The following TNRC6B variants were observed in gnomAD, a reference collection of about 807,000 sequenced individuals.
TNRC6B encodes the protein trinucleotide repeat-containing gene 6B protein.
In TNRC6B, 52 loss-of-function variants were observed where a neutral mutation model predicts 203.6. That is an observed-to-expected ratio of 0.26 (90% confidence interval 0.20 to 0.32). The LOEUF (loss-of-function observed/expected upper bound fraction) is 0.32. TNRC6B is among the 10% of genes least tolerant of loss of function. The pLI is 1.00. For synonymous variants in TNRC6B, 838 were observed against 845.7 expected, an observed-to-expected ratio of 0.99 and a Z score of 0.16; for missense variants, 1,923 against 2,286.2, an observed-to-expected ratio of 0.84 and a Z score of 3.24.
At chr22:40,164,348 A>G (rs566012921) in intron 4 of TNRC6B, among the ~76,000 whole-genome samples, 3 of 147,258 alleles carry the variant, frequency 2.0e-5, no homozygotes, top group Non-Finnish European at 4.5e-5. Context: ...ACATCACACC[A>G]CTGCAGTCCA....
Position 40,181,444 on chromosome 22 carries a change from A to G in TNRC6B, c.5+3304A>G, listed in dbSNP as rs536763039. On this transcript the variant is annotated intron_variant, in intron 1 of 22. Coordinates refer to ENST00000454349, the MANE Select transcript of TNRC6B (RefSeq NM_001162501.2). ...AACTCAGATCATATAATCATTGATC[A>G]TCTGCAGTTTAAGCTGGACACAGCC... Among the ~76,000 whole-genome samples the G allele has an allele frequency of 4.9e-3, 748 of 152,314 alleles. 3 individuals are homozygous for G. Among genetic ancestry groups the G allele is most frequent in the Non-Finnish European group, 7.6e-3 (518 of 68,014 alleles).
chr22:40,165,727 C>T (rs550736674), intron 4 of TNRC6B, among the ~76,000 whole-genome samples: 14 of 152,106 alleles, frequency 9.2e-5, no homozygotes, highest in South Asian at 4.1e-4. Context: ...CTTCACTTGG[C>T]GGCAGAAAGG....
In TNRC6B at chr22:40,264,895, C is replaced by T. The variant is rs752014287; in HGVS notation, c.665C>T (p.Ser222Leu). ...SENTTDNNSASNPGSEKSTLP... is the reference protein window; with the variant it reads ...SENTTDNNSALNPGSEKSTLP... ...AACACCACCGATAACAACAGTGCCT[C>T]GAACCCTGGCTCTGAGAAGAGCACT... Residue 222 changes from serine (S) to leucine (L), a missense_variant, in exon 5 of 23, where the codon TCG becomes TTG. Physicochemically the swap from Ser to Leu is moderately radical, Grantham distance 145. Coordinates refer to ENST00000454349, the MANE Select transcript of TNRC6B (RefSeq NM_001162501.2). 8.1e-6 allele frequency: 13 copies of T among 1,613,898 alleles called. No individual in the cohort carries two copies. The highest frequency in any genetic ancestry group is 2.2e-5 in the South Asian group (2 of 91,060).
chr22:40,233,577 G>A (rs185979268), intron 1 of TNRC6B, among the ~76,000 whole-genome samples: 19 of 151,318 alleles, frequency 1.3e-4, no homozygotes, highest in Middle Eastern at 3.4e-3. Flanking sequence ...AGCTGAGATC[G>A]CACCACTGCA....
intron 7 of TNRC6B, among the ~76,000 whole-genome samples, chr22:40,276,423 C>T (rs1329605116): frequency 6.6e-6 from 1 of 152,134 alleles, no homozygotes; most frequent in East Asian, 1.9e-4. Context: ...CCACCCAGTC[C>T]TCTTCATAGT....
chr22:40,117,646 T>A (rs1362038853), intron 2 of TNRC6B, among the ~76,000 whole-genome samples: 1 of 152,138 alleles, frequency 6.6e-6, no homozygotes, highest in African/African-American at 2.4e-5. Flanking sequence ...TCCCTAGATA[T>A]ATATATAGTA....
chr22:40,130,114 AAG>A (rs548928663), intron 3 of TNRC6B, among the ~76,000 whole-genome samples: 7 of 152,232 alleles, frequency 4.6e-5, no homozygotes, highest in Non-Finnish European at 8.8e-5. Flanking sequence ...GTTCAAGTGA[AAG>A]ATTTTTTTTA....
intron 4 of TNRC6B, among the ~76,000 whole-genome samples, chr22:40,162,329 C>T (rs1479058573): frequency 6.6e-6 from 1 of 152,086 alleles, no homozygotes; most frequent in South Asian, 2.1e-4. Context: ...CTCCTGACCT[C>T]GTGATCCGCC....
At chr22:40,260,047 G>A (rs2070352484) in intron 3 of TNRC6B, among the ~76,000 whole-genome samples, 2 of 152,128 alleles carry the variant, frequency 1.3e-5, no homozygotes, top group Admixed American at 1.3e-4. Flanking sequence ...GAGCCAGAGG[G>A]TCCGGCAGAG....
intron 1 of TNRC6B, among the ~76,000 whole-genome samples, chr22:40,081,518 T>C (rs1262929798): frequency 6.6e-6 from 1 of 152,212 alleles, no homozygotes; most frequent in Non-Finnish European, 1.5e-5. Flanking sequence ...AATATGTATC[T>C]GCAAGTTCAG....
chr22:40,063,806 G>A (rs961249363), intron 1 of TNRC6B, among the ~76,000 whole-genome samples: 2 of 152,004 alleles, frequency 1.3e-5, no homozygotes, highest in Non-Finnish European at 2.9e-5. Flanking sequence ...GGGCTCAAGT[G>A]ATCTTTCTGC....
Position 40,272,898 on chromosome 22 carries a change from T to C in TNRC6B, c.2966-527T>C, listed in dbSNP as rs182140812. Among the ~76,000 whole-genome samples the C allele has an allele frequency of 1.2e-3, 177 of 152,354 alleles. 1 individual carries two copies. Among genetic ancestry groups the C allele is most frequent in the Admixed American group, 2.2e-3 (34 of 15,300 alleles). ...AATTTTTCTTCTTTCACCATAATTC[T>C]AATATTCAAAAATGTTATAAAAAAT... On this transcript the variant is annotated intron_variant, in intron 6 of 22. Transcript: ENST00000454349.
chr22:40,175,167 G>A (rs1171760541), upstream of TNRC6B, among the ~76,000 whole-genome samples: 1 of 151,834 alleles, frequency 6.6e-6, no homozygotes, highest in Non-Finnish European at 1.5e-5. Context: ...GACCAGCCTG[G>A]CCAACATGGT....
chr22:40,045,149 C>G (rs1384745258), intron 1 of TNRC6B, among the ~76,000 whole-genome samples: 1 of 144,008 alleles, frequency 6.9e-6, no homozygotes, highest in Non-Finnish European at 1.5e-5. Context: ...CGTGTCCTCG[C>G]GAGGGAGCGC....
chr22:40,285,898 T>C (rs1235988611), intron 12 of TNRC6B, 128 bp downstream of exon 12: 4 of 1,255,642 alleles, frequency 3.2e-6, no homozygotes, highest in Non-Finnish European at 4.4e-6. Flanking sequence ...AAGCCATCTT[T>C]TCTTGACCTT....
At chr22:40,276,633 A>G (rs565781259) in intron 7 of TNRC6B, among the ~76,000 whole-genome samples, 4 of 152,378 alleles carry the variant, frequency 2.6e-5, no homozygotes, top group African/African-American at 7.2e-5. Context: ...CAGAGGAAGC[A>G]CTATGAGTTC....
At position 40,324,110 on chromosome 22, in the gene TNRC6B, C is replaced by T. The variant is rs994594633; in HGVS notation, c.*869C>T. 1 of 152,592 alleles carries T rather than the reference C, an allele frequency of 6.6e-6. No individual in the cohort carries two copies. 9.5% of individuals were successfully genotyped at this position (152,592 alleles called of 1,614,324 possible). A position where few individuals can be genotyped will look rare whatever the true frequency, so the allele number is the denominator to read the frequency against. On this transcript the variant is annotated 3_prime_UTR_variant, in exon 23 of 23. Coordinates refer to ENST00000454349, the MANE Select transcript of TNRC6B (RefSeq NM_001162501.2). ...CTACTAAAGCAACTCCATTGGGCTGCATTAAGATGAACAGAGTGCTTTTTA... is the reference window on the plus strand; with the variant it reads ...CTACTAAAGCAACTCCATTGGGCTGTATTAAGATGAACAGAGTGCTTTTTA...
intron 3 of TNRC6B, among the ~76,000 whole-genome samples, chr22:40,142,996 A>G (rs1246578818): frequency 6.6e-6 from 1 of 152,320 alleles, no homozygotes; most frequent in East Asian, 1.9e-4. Context: ...CGCACAAGAG[A>G]TGTCTGCATT....
At chr22:40,207,306 G>A (rs985823278) in intron 1 of TNRC6B, among the ~76,000 whole-genome samples, 3 of 151,618 alleles carry the variant, frequency 2.0e-5, no homozygotes, top group African/African-American at 7.3e-5. Flanking sequence ...ACTTTGGGAG[G>A]CTGAGGCAGG....
Sources: gnomAD v4.1 joint callset for allele counts (sites outside exome capture counted in the v4.1 genomes callset) on GRCh38, gnomAD v4.1.1 for gene constraint, MANE v1.5 for transcripts, NCBI Gene and HGNC (gene_info 2026-07-23, HGNC 2026-07-21) for gene names.